FERMT3: variants seen among roughly 807,000 people sequenced by gnomAD.
The protein encoded by FERMT3 is fermitin family homolog 3.
FERMT3 carries 33 observed loss-of-function variants against 80.8 expected under a neutral mutation model. The ratio of observed to expected loss-of-function variants is 0.41; its 90% CI spans 0.31 to 0.55. FERMT3 has a LOEUF of 0.55. FERMT3 is among the 20% of genes least tolerant of loss of function. FERMT3 has a pLI of 0.31. For synonymous variants in FERMT3, 375 were observed against 372.2 expected (o/e 1.01, Z -0.09); for missense variants, 754 against 908.7 (o/e 0.83, Z 2.19).
In FERMT3 at chr11:64,220,434, A is replaced by C. The variant is rs760261349; in HGVS notation, c.1312-2A>C. On this transcript the variant is annotated splice_acceptor_variant, in intron 11 of 14. Coordinates refer to ENST00000345728, the MANE Select transcript of FERMT3 (RefSeq NM_031471.6). LOFTEE classifies it high-confidence loss of function. ...ACTGTCCCCCTCACCCCTCTCGCCC[A>C]GGAGCAGCAGTATGCCCGCTGGATG... 9 of 1,611,208 alleles carry C rather than the reference A, an allele frequency of 5.6e-6. No homozygotes were observed. The highest frequency in any genetic ancestry group is 7.6e-6 in the Non-Finnish European group (9 of 1,179,540).
In FERMT3 at chr11:64,219,535, C is replaced by T; in HGVS notation, c.906C>T (p.Asn302=). 6.2e-7 allele frequency: 1 copy of T among 1,607,596 alleles called. No homozygotes were observed. The highest frequency in any genetic ancestry group is 8.5e-7 in the Non-Finnish European group (1 of 1,177,910). ...MVFAALQYHI[N]KLSQSGEVGE... ...TCATGACCACCTAGTACCACATCAA[C>T]AAGCTGTCCCAGAGCGGGGAGGTGG... Residue 302 remains asparagine (N), a synonymous_variant, in exon 8 of 15, where the codon AAC becomes AAT. Coordinates refer to ENST00000345728, the MANE Select transcript of FERMT3 (RefSeq NM_031471.6). The surrounding 1 kb of genome is among the most constrained non-coding windows in gnomAD (Gnocchi z 4.0).
intron 13 of FERMT3, 110 bp downstream of exon 13, chr11:64,221,250 A>T: frequency 9.0e-7 from 1 of 1,113,740 alleles, no homozygotes; most frequent in Non-Finnish European, 1.3e-6. Flanking sequence ...CACCCCAAAG[A>T]CTCCCTTCCC....
At chr11:64,213,260 C>G (rs1946481683) in intron 6 of FERMT3, among the ~76,000 whole-genome samples, 2 of 151,636 alleles carry the variant, frequency 1.3e-5, no homozygotes, top group Admixed American at 1.3e-4. Flanking sequence ...AACTCCTGAC[C>G]TCAGGTGATC....
At position 64,210,686 on chromosome 11, in the gene FERMT3, C is replaced by T. The variant is rs1157672245; in HGVS notation, c.236C>T (p.Thr79Ile). ...KRQWLLQTHW[T>I]LDKYGILADA... ...CAGTGGCTGCTGCAGACCCACTGGA[C>T]ACTGGACAAGTACGGGATCCTGGCC... The change falls in exon 3 of 15, where the codon ACA (threonine) becomes ATA (isoleucine). Residue 79 changes from threonine (T) to isoleucine (I), a missense_variant. Physicochemically the swap from Thr to Ile is moderately conservative, Grantham distance 89. Coordinates refer to ENST00000345728, the MANE Select transcript of FERMT3 (RefSeq NM_031471.6). The surrounding 1 kb of genome is among the most constrained non-coding windows in gnomAD (Gnocchi z 4.3). The T allele has an allele frequency of 4.3e-6, 7 of 1,614,156 alleles. No individual in the cohort carries two copies. In the Admixed American group the frequency reaches 8.3e-5, roughly 19 times the overall value.
Position 64,223,384 on chromosome 11 carries a change from C to A in FERMT3, c.1884C>A (p.His628Gln). The A allele has an allele frequency of 6.2e-7, 1 of 1,614,022 alleles. No homozygotes were observed. Residue 628 changes from histidine (H) to glutamine (Q), a missense_variant, in exon 15 of 15, where the codon CAC becomes CAA. By Grantham distance (24) the His-to-Gln change is conservative. Coordinates refer to ENST00000345728, the MANE Select transcript of FERMT3 (RefSeq NM_031471.6). The stretch of plus-strand genomic sequence containing the variant: ...TGTCTGCCAGCTGCCGAATTGTACA[C>A]GAGTATATCGGGGGCTACATTTTCC... ...SCVSASCRIV[H>Q]EYIGGYIFLS...
intron 2 of FERMT3, among the ~76,000 whole-genome samples, chr11:64,208,254 C>T (rs557384604): frequency 3.9e-5 from 6 of 152,264 alleles, no homozygotes; most frequent in South Asian, 2.1e-4. Context: ...GGGTCCAGAA[C>T]GGCCCGGCCA....
rs2134882623 is a variant in FERMT3, at chr11:64,219,906, C to T, written c.1095C>T (p.Thr365=). 1 of 1,613,932 alleles carries T rather than the reference C, an allele frequency of 6.2e-7. No homozygotes were observed. The highest frequency in any genetic ancestry group is 8.5e-7 in the Non-Finnish European group (1 of 1,180,010). The part of the protein sequence containing the change: ...HLRIFRPRKL[T]LKGYRQHWVV... The stretch of plus-strand genomic sequence containing the variant: ...TCCCACGAAGGCCCCGGAAGCTGAC[C>T]CTGAAGGGCTACCGCCAACACTGGG... The change falls in exon 10 of 15, where the codon ACC becomes ACT. Residue 365 remains threonine (T), a synonymous_variant. Coordinates refer to ENST00000345728, the MANE Select transcript of FERMT3 (RefSeq NM_031471.6). This position sits in a 1 kb window ranked among gnomAD's most constrained non-coding sequence, Gnocchi z 4.0.
intron 13 of FERMT3, among the ~76,000 whole-genome samples, chr11:64,222,563 CAAA>C (rs34119299): frequency 6.0e-4 from 50 of 83,448 alleles, no homozygotes; most frequent in Non-Finnish European, 8.6e-4. Context: ...CACTCCGTCT[CAAA>C]AAAAAAAAAA....
intron 6 of FERMT3, among the ~76,000 whole-genome samples, chr11:64,218,000 C>CTTTTTTTTTT (rs34718711): frequency 1.7e-5 from 2 of 119,506 alleles, no homozygotes; most frequent in Admixed American, 1.0e-4. Context: ...TTCCTTTTTC[C>CTTTTTTTTTT]TTTTTTTTTT....
In FERMT3 at chr11:64,219,896, G is replaced by A. The variant is rs1946638481; in HGVS notation, c.1085G>A (p.Arg362Gln). 6.8e-6 allele frequency: 11 copies of A among 1,613,830 alleles called. No individual in the cohort carries two copies. The highest frequency in any genetic ancestry group is 3.3e-5 in the Admixed American group (2 of 60,006). The part of the protein sequence containing the change: ...LKDHLRIFRP[R>Q]KLTLKGYRQH... Reference sequence around the variant, plus strand: ...AACCCCAGCATCCCACGAAGGCCCCGGAAGCTGACCCTGAAGGGCTACCGC... The same window carrying A: ...AACCCCAGCATCCCACGAAGGCCCCAGAAGCTGACCCTGAAGGGCTACCGC... The change falls in exon 10 of 15, where the codon CGG (arginine) becomes CAG (glutamine). Residue 362 changes from arginine to glutamine, a missense_variant. Transcript: ENST00000345728. This position sits in a 1 kb window ranked among gnomAD's most constrained non-coding sequence, Gnocchi z 4.0.
At chr11:64,215,683 C>T (rs1946534817) in intron 6 of FERMT3, among the ~76,000 whole-genome samples, 1 of 152,190 alleles carries the variant, frequency 6.6e-6, no homozygotes, top group African/African-American at 2.4e-5. Flanking sequence ...AAGCAATCTT[C>T]CTGCCTTAGC....
rs777090294 is a variant in FERMT3, at chr11:64,207,422, G to C, written c.58G>C (p.Val20Leu). 3.7e-6 allele frequency: 6 copies of C among 1,614,082 alleles called. No homozygotes were observed. The South Asian group carries it at 6.6e-5, about 18-fold the overall frequency. ...CATCGACTCGTCATGGGAGCTGCGG[G>C]TGTTTGTGGGAGAGGAGGACCCAGA... is the stretch of plus-strand genomic sequence containing the variant. Reference protein sequence around the residue: ...DYIDSSWELRVFVGEEDPEAE... With the variant: ...DYIDSSWELRLFVGEEDPEAE... The change falls in exon 2 of 15, where the codon GTG (valine) becomes CTG (leucine). Residue 20 changes from valine (V) to leucine (L), a missense_variant. By Grantham distance (32) the Val-to-Leu change is conservative. Transcript: ENST00000345728.
At chr11:64,218,061 TGGCACGATCTC>T (rs1240661914) in intron 6 of FERMT3, among the ~76,000 whole-genome samples, 1 of 146,624 alleles carries the variant, frequency 6.8e-6, no homozygotes, top group Non-Finnish European at 1.5e-5. Context: ...TGGAGTGCAG[TGGCACGATCTC>T]GGCTCACTGC....
At chr11:64,220,971 G>A in intron 12 of FERMT3, 45 bp from the exon 13 acceptor site, 1 of 1,600,972 alleles carries the variant, frequency 6.2e-7, no homozygotes, top group Non-Finnish European at 8.5e-7. Flanking sequence ...GACTCTGGAG[G>A]AGGGGAATAG....
At chr11:64,208,545 C>A (rs1054185409) in intron 2 of FERMT3, among the ~76,000 whole-genome samples, 1 of 152,250 alleles carries the variant, frequency 6.6e-6, no homozygotes, top group Non-Finnish European at 1.5e-5. Flanking sequence ...CTGGCCGCCC[C>A]GGGCCAGTCC....
Position 64,211,894 on chromosome 11 carries a change from C to A in FERMT3, c.786+147C>A. On this transcript the variant is annotated intron_variant, in intron 6 of 14. Transcript: ENST00000345728. This position sits in a 1 kb window ranked among gnomAD's most constrained non-coding sequence, Gnocchi z 4.7. ...TCCACACCTTTGTTTACTGACCCCA[C>A]AAACACCCACTGAAACTCATCTACT... is the stretch of plus-strand genomic sequence containing the variant. The A allele has an allele frequency of 2.6e-6, 2 of 780,446 alleles. No homozygotes were observed. 48.3% of individuals were successfully genotyped at this position (780,446 alleles called of 1,614,324 possible). A position where few individuals can be genotyped will look rare whatever the true frequency, so the allele number is the denominator to read the frequency against.
Position 64,219,585 on chromosome 11 carries a change from G to A in FERMT3, c.956G>A (p.Gly319Glu). ...EVGEPAGTDP[G>E]LDDLDVALSN... Reference sequence around the variant, plus strand: ...GGGGAGCCGGCTGGCACAGACCCAGGGCTGGACGACCTGGATGTGGCCCTG... The same window carrying A: ...GGGGAGCCGGCTGGCACAGACCCAGAGCTGGACGACCTGGATGTGGCCCTG... Residue 319 changes from glycine to glutamate, a missense_variant, in exon 8 of 15, where the codon GGG (glycine) becomes GAG (glutamate). Transcript: ENST00000345728. This position sits in a 1 kb window ranked among gnomAD's most constrained non-coding sequence, Gnocchi z 4.0. 3.1e-6 allele frequency: 5 copies of A among 1,612,666 alleles called. No individual in the cohort carries two copies. Among genetic ancestry groups the A allele is most frequent in the Non-Finnish European group, 4.2e-6 (5 of 1,179,932 alleles).
Position 64,211,496 on chromosome 11 carries a change from C to T in FERMT3, c.683+53C>T, listed in dbSNP as rs1355747172. 6.5e-7 allele frequency: 1 copy of T among 1,533,772 alleles called. No individual in the cohort carries two copies. The highest frequency in any genetic ancestry group is 8.8e-7 in the Non-Finnish European group (1 of 1,141,344). On this transcript the variant is annotated intron_variant, in intron 5 of 14. Transcript: ENST00000345728. The surrounding 1 kb of genome is among the most constrained non-coding windows in gnomAD (Gnocchi z 4.7). ...TCAGGGCTCCCCCACCCAGGATCCA[C>T]CCCCTGTCCCGTGTCTGTGCCCACC...
At chr11:64,208,347 G>T (rs1946362429) in intron 2 of FERMT3, among the ~76,000 whole-genome samples, 1 of 152,212 alleles carries the variant, frequency 6.6e-6, no homozygotes, top group South Asian at 2.1e-4. Context: ...GAGAGAGGGT[G>T]GTGAAGACCT....
Sources: allele counts gnomAD v4.1 joint callset (sites outside exome capture counted in the v4.1 genomes callset), GRCh38; gene constraint gnomAD v4.1.1; non-coding constraint Gnocchi (gnomAD v3.1); transcripts MANE v1.5; gene names NCBI Gene and HGNC (gene_info 2026-07-23, HGNC 2026-07-21).